The following TJP3 variants were observed in gnomAD, a reference collection of about 807,000 sequenced individuals.
TJP3 encodes the protein tight junction protein 3.
In TJP3, 85 loss-of-function variants were observed where a neutral mutation model predicts 104.2. The ratio of observed to expected loss-of-function variants is 0.82; its 90% CI spans 0.68 to 0.98. The LOEUF (loss-of-function observed/expected upper bound fraction) is 0.98, where lower values mean the gene tolerates loss of function less well. TJP3 is among the 50% of genes least tolerant of loss of function. TJP3 has a pLI of 0.00. For missense variants in TJP3, 1,367 were observed against 1,322.8 expected (o/e 1.03, Z -0.52); for synonymous variants, 550 against 550.6 (o/e 1.00, Z 0.02).
Position 3,738,563 on chromosome 19 carries a change from C to G in TJP3, c.1293C>G (p.Asp431Glu), listed in dbSNP as rs200835211. The G allele has an allele frequency of 1.9e-6, 3 of 1,612,896 alleles. No homozygotes were observed. Among genetic ancestry groups the G allele is most frequent in the African/African-American group, 1.3e-5 (1 of 74,896 alleles). ...CACTTGCTTTCTGGCAGGTGAATGA[C>G]GTGCCATTCCAGAACCTGACACGGG... ...QEGDQILQVN[D>E]VPFQNLTREE... The change falls in exon 12 of 21, where the codon GAC becomes GAG. Residue 431 changes from aspartate to glutamate, a missense_variant. Asp to Glu is a conservative substitution (Grantham distance 45). Transcript: ENST00000541714.
chr19:3,735,875 C>G lies in TJP3; in HGVS notation c.1067C>G (p.Pro356Arg). ...ACTGGCTTTTCCCTTTCAGAGTTGC[C>G]CAGGGAAAGCAGCTATGACATCTAC... ...SEPDEQRSEL[P>R]RESSYDIYRV... The change falls in exon 10 of 21, where the codon CCC becomes CGC. Residue 356 changes from proline (P) to arginine (R), a missense_variant. Transcript: ENST00000541714. The G allele has an allele frequency of 6.2e-7, 1 of 1,614,034 alleles. No homozygotes were observed. The highest frequency in any genetic ancestry group is 1.1e-5 in the South Asian group (1 of 91,080).
In TJP3 at chr19:3,735,934, G is replaced by T; in HGVS notation, c.1126G>T (p.Gly376Trp). Residue 376 changes from glycine to tryptophan, a missense_variant and splice_region_variant, in exon 10 of 21, where the codon GGG becomes TGG. Gly to Trp is a radical substitution (Grantham distance 184). Coordinates refer to ENST00000541714, the MANE Select transcript of TJP3 (RefSeq NM_001267560.2). Reference protein sequence around the residue: ...VPSSQSMEDRGYSPDTRVVRF... With the variant: ...VPSSQSMEDRWYSPDTRVVRF... ...CAGCAGTCAGAGCATGGAGGATCGT[G>T]GGTATGTACCCCAGAAGAAAGCAAA... The T allele has an allele frequency of 6.2e-7, 1 of 1,614,140 alleles. No individual in the cohort carries two copies. The highest frequency in any genetic ancestry group is 8.5e-7 in the Non-Finnish European group (1 of 1,180,028).
At chr19:3,711,748 A>AG (rs1555736161) in intron 1 of TJP3, among the ~76,000 whole-genome samples, 2 of 128,166 alleles carry the variant, frequency 1.6e-5, no homozygotes, top group African/African-American at 3.0e-5. Flanking sequence ...AAAAAAAAAA[A>AG]AAAGGTGCTT....
chr19:3,715,093 G>GTT (rs34360179), intron 1 of TJP3, among the ~76,000 whole-genome samples: 35 of 142,996 alleles, frequency 2.4e-4, no homozygotes, highest in Non-Finnish European at 2.9e-4. Flanking sequence ...TGGTTGGTTG[G>GTT]TTTTTTTTTT....
intron 1 of TJP3, among the ~76,000 whole-genome samples, chr19:3,714,275 C>A (rs998161735): frequency 7.2e-5 from 11 of 151,800 alleles, no homozygotes; most frequent in African/African-American, 2.4e-4. Flanking sequence ...GTCTCAAACT[C>A]CTGACCTCAT....
intron 6 of TJP3, 92 bp downstream of exon 6, chr19:3,732,130 T>G (rs2036680013): frequency 2.8e-6 from 3 of 1,053,050 alleles, no homozygotes; most frequent in African/African-American, 3.2e-5. Flanking sequence ...ACAGCAGAAC[T>G]GGGCCCCAAA....
At chr19:3,750,489 A>G in intron 20 of TJP3, 93 bp from the exon 21 acceptor site, 1 of 1,103,182 alleles carries the variant, frequency 9.1e-7, no homozygotes, top group South Asian at 1.4e-5. Flanking sequence ...CTCTGCCCAC[A>G]CCCACTGTGC....
At chr19:3,734,948 CTG>C (rs907581260) in intron 8 of TJP3, among the ~76,000 whole-genome samples, 8 of 152,172 alleles carry the variant, frequency 5.3e-5, no homozygotes, top group African/African-American at 1.9e-4. Flanking sequence ...GAGCAAAACT[CTG>C]TCTTAAAAAA....
intron 14 of TJP3, 77 bp downstream of exon 14, chr19:3,740,840 C>T (rs2036806303): frequency 7.3e-7 from 1 of 1,364,244 alleles, no homozygotes. Context: ...AACATTCAGC[C>T]TCTAAAAGGC....
At position 3,746,640 on chromosome 19, in the gene TJP3, T is replaced by C; in HGVS notation, c.2166T>C (p.Arg722=). 2 of 1,613,260 alleles carry C rather than the reference T, an allele frequency of 1.2e-6. No individual in the cohort carries two copies. Among genetic ancestry groups the C allele is most frequent in the Non-Finnish European group, 1.7e-6 (2 of 1,179,796 alleles). ...CGCCTGCCTCCCGCCGCAGCACCCG[T>C]CGCCTCTACGCACAAGCCCAGAAGC... The part of the protein sequence containing the change: ...WLAPASRRST[R]RLYAQAQKLR... The change falls in exon 17 of 21, where the codon CGT becomes CGC. Residue 722 remains arginine, a synonymous_variant. Transcript: ENST00000541714. This position sits in a 1 kb window ranked among gnomAD's most constrained non-coding sequence, Gnocchi z 4.1.
chr19:3,735,636 T>A lies in TJP3; in HGVS notation c.1057T>A (p.Ser353Thr), dbSNP rs2036728670. ...RTISEPDEQR[S>T]ELPRESSYDI... ...CATCTCGGAACCAGATGAGCAACGGTCAGGTGGGTGGTGACTCTGAGCACC... is the reference window on the plus strand; with the variant it reads ...CATCTCGGAACCAGATGAGCAACGGACAGGTGGGTGGTGACTCTGAGCACC... The change falls in exon 9 of 21, where the codon TCA (serine) becomes ACA (threonine). Residue 353 changes from serine (S) to threonine (T), a missense_variant. By Grantham distance (58) the Ser-to-Thr change is moderately conservative. Transcript: ENST00000541714. 6.2e-7 allele frequency: 1 copy of A among 1,613,754 alleles called. No homozygotes were observed. Among genetic ancestry groups the A allele is most frequent in the Non-Finnish European group, 8.5e-7 (1 of 1,179,990 alleles).
intron 15 of TJP3, 21 bp from the exon 16 acceptor site, chr19:3,745,990 G>C: frequency 6.3e-7 from 1 of 1,584,918 alleles, no homozygotes; most frequent in Admixed American, 1.8e-5. Context: ...TGAAGCTGCT[G>C]GTCCTCTCTG....
At chr19:3,716,567 G>A (rs1638604210) in intron 1 of TJP3, among the ~76,000 whole-genome samples, 1 of 147,438 alleles carries the variant, frequency 6.8e-6, no homozygotes, top group African/African-American at 2.4e-5. Context: ...CTGCAGCCAA[G>A]CATATGCCAG....
intron 14 of TJP3, among the ~76,000 whole-genome samples, chr19:3,743,408 G>T (rs951186626): frequency 1.3e-5 from 2 of 152,208 alleles, no homozygotes; most frequent in Non-Finnish European, 2.9e-5. Flanking sequence ...GGTAGGCCAG[G>T]TGTCAACATA....
rs555541005 is a variant in TJP3 at position 3,710,988 on chromosome 19, C to T, written c.-10+2427C>T. Among the ~76,000 whole-genome samples, 18 of 151,832 alleles carry T rather than the reference C, an allele frequency of 1.2e-4. No individual in the cohort carries two copies. The East Asian group carries it at 3.6e-3, about 30-fold the overall frequency. Reference sequence around the variant, plus strand: ...GCGCGATCTCGGCTCACTGCAAGCTCCGCCTCCCGGGTTCACGCCATACTC... The same window carrying T: ...GCGCGATCTCGGCTCACTGCAAGCTTCGCCTCCCGGGTTCACGCCATACTC... On this transcript the variant is annotated intron_variant, in intron 1 of 20. Coordinates refer to ENST00000541714, the MANE Select transcript of TJP3 (RefSeq NM_001267560.2).
chr19:3,737,154 A>G (rs1227887219), intron 11 of TJP3, among the ~76,000 whole-genome samples: 1 of 152,160 alleles, frequency 6.6e-6, no homozygotes, highest in Non-Finnish European at 1.5e-5. Flanking sequence ...TGCTGAGATT[A>G]TAAGCTTGAG....
At position 3,735,899 on chromosome 19, in the gene TJP3, A is replaced by G. The variant is rs1239771112; in HGVS notation, c.1091A>G (p.Tyr364Cys). The G allele has an allele frequency of 1.2e-6, 2 of 1,614,140 alleles. No homozygotes were observed. Among genetic ancestry groups the G allele is most frequent in the South Asian group, 1.1e-5 (1 of 91,088 alleles). The change falls in exon 10 of 21, where the codon TAC becomes TGC. Residue 364 changes from tyrosine (Y) to cysteine (C), a missense_variant. Tyr to Cys is a radical substitution (Grantham distance 194, BLOSUM62 -2). Coordinates refer to ENST00000541714, the MANE Select transcript of TJP3 (RefSeq NM_001267560.2). ...ELPRESSYDIYRVPSSQSMED... is the reference protein window; with the variant it reads ...ELPRESSYDICRVPSSQSMED... ...CCCAGGGAAAGCAGCTATGACATCTACAGAGTGCCCAGCAGTCAGAGCATG... is the reference window on the plus strand; with the variant it reads ...CCCAGGGAAAGCAGCTATGACATCTGCAGAGTGCCCAGCAGTCAGAGCATG...
chr19:3,735,980 C>A, intron 10 of TJP3, 45 bp downstream of exon 10: 3 of 1,609,008 alleles, frequency 1.9e-6, no homozygotes, highest in Non-Finnish European at 8.5e-7. Flanking sequence ...ACTCCTACAT[C>A]CCAGGCTGCC....
At chr19:3,736,701 A>G (rs1599157047) in intron 11 of TJP3, among the ~76,000 whole-genome samples, 1 of 151,412 alleles carries the variant, frequency 6.6e-6, no homozygotes, top group Non-Finnish European at 1.5e-5. Context: ...TCACCTCCTG[A>G]GTAGCTGGGA....
Sources: allele counts gnomAD v4.1 joint callset (sites outside exome capture counted in the v4.1 genomes callset), GRCh38; gene constraint gnomAD v4.1.1; non-coding constraint Gnocchi (gnomAD v3.1); transcripts MANE v1.5; gene names NCBI Gene and HGNC (gene_info 2026-07-23, HGNC 2026-07-21).